Variants in CPQ observed in about 807,000 individuals in gnomAD.
CPQ encodes the protein Ser-Met dipeptidase.
In CPQ, 37 loss-of-function variants were observed where a neutral mutation model predicts 45.7. The ratio of observed to expected loss-of-function variants is 0.81; its 90% CI spans 0.62 to 1.07. The LOEUF is 1.07. Among genes scored for constraint, CPQ ranks in the 50% least tolerant of loss-of-function variants. The pLI is 0.00. For missense variants in CPQ, 537 were observed against 572.9 expected (o/e 0.94, Z 0.64); for synonymous variants, 186 against 205.8 (o/e 0.90, Z 0.82).
chr8:96,876,787 T>C (rs1223896934), intron 3 of CPQ, among the ~76,000 whole-genome samples: 4 of 152,220 alleles, frequency 2.6e-5, no homozygotes, highest in African/African-American at 9.6e-5. Context: ...CATTTGTTTG[T>C]GGTATATAAT....
chr8:96,747,808 C>A (rs990379093), intron 1 of CPQ, among the ~76,000 whole-genome samples: 1 of 152,146 alleles, frequency 6.6e-6, no homozygotes, highest in Non-Finnish European at 1.5e-5. Flanking sequence ...TCCATCTAGG[C>A]CTACTGAATT....
chr8:96,696,239 A>G (rs909827426), intron 1 of CPQ, among the ~76,000 whole-genome samples: 1 of 151,758 alleles, frequency 6.6e-6, no homozygotes, highest in African/African-American at 2.4e-5. Flanking sequence ...GGAATTGAAC[A>G]ATGAGAACAC....
At chr8:96,883,713 C>T (rs576939058) in intron 4 of CPQ, among the ~76,000 whole-genome samples, 25 of 152,246 alleles carry the variant, frequency 1.6e-4, no homozygotes, top group Non-Finnish European at 3.4e-4. Flanking sequence ...AAAGAATGGC[C>T]TTATCCCCAA....
intron 7 of CPQ, among the ~76,000 whole-genome samples, chr8:97,084,468 G>A (rs1320622231): frequency 2.6e-5 from 4 of 152,092 alleles, no homozygotes; most frequent in African/African-American, 9.7e-5. Context: ...GAACTAAACA[G>A]TTTAGCACAA....
rs142896665 is a variant in CPQ, at chr8:96,870,706, C to G, written c.642-9092C>G. On this transcript the variant is annotated intron_variant, in intron 3 of 7. Transcript: ENST00000220763. The stretch of plus-strand genomic sequence containing the variant: ...TAATGTGTGAAAAGCACACAGCACA[C>G]TGGCAGGCACAGGGCAAATGCTCAG... Among the ~76,000 whole-genome samples the G allele has an allele frequency of 3.2e-3, 484 of 152,128 alleles. 2 individuals are homozygous for G. The highest frequency in any genetic ancestry group is 0.011 in the African/African-American group (465 of 41,536).
intron 4 of CPQ, among the ~76,000 whole-genome samples, chr8:96,902,003 C>G (rs527507665): frequency 3.3e-5 from 5 of 152,198 alleles, no homozygotes; most frequent in Admixed American, 2.6e-4. Flanking sequence ...CTTAATAAGA[C>G]TACACAGACC....
At chr8:97,114,796 G>A (rs904547749) in intron 7 of CPQ, among the ~76,000 whole-genome samples, 1 of 152,110 alleles carries the variant, frequency 6.6e-6, no homozygotes, top group African/African-American at 2.4e-5. Context: ...TCCTTTCTCT[G>A]GTTAAACATT....
rs148286520 is a variant in CPQ, at chr8:96,655,439, C to G, written c.-35+10037C>G. ...TTATTGTTTCTACTTCTTCTATATT[C>G]TCATTTTGTGTATTGTTTCTCAAAT... On this transcript the variant is annotated intron_variant, in intron 1 of 7. Coordinates refer to ENST00000220763, the MANE Select transcript of CPQ (RefSeq NM_016134.4). Among the ~76,000 whole-genome samples, 4 of 152,018 alleles carry G rather than the reference C, an allele frequency of 2.6e-5. No homozygotes were observed. In the East Asian group the frequency reaches 7.7e-4, roughly 29 times the overall value.
intron 2 of CPQ, among the ~76,000 whole-genome samples, chr8:96,834,658 T>C (rs1811502854): frequency 6.6e-6 from 1 of 152,216 alleles, no homozygotes. Context: ...CTTTGAAATT[T>C]GTGACTTCTG....
chr8:96,836,696 G>A (rs1811535519), intron 3 of CPQ, among the ~76,000 whole-genome samples: 1 of 152,104 alleles, frequency 6.6e-6, no homozygotes, highest in African/African-American at 2.4e-5. Flanking sequence ...TGTGAAACTG[G>A]GTGATTGCCA....
chr8:96,976,311 T>A (rs1275695384), intron 5 of CPQ, among the ~76,000 whole-genome samples: 4 of 138,684 alleles, frequency 2.9e-5, no homozygotes, highest in Non-Finnish European at 4.6e-5. Context: ...GAAAGACCTC[T>A]ACGAGTAAAA....
At chr8:96,732,525 T>C (rs1809924791) in intron 1 of CPQ, 1 of 152,098 alleles carries the variant, frequency 6.6e-6, no homozygotes, top group South Asian at 2.1e-4. Context: ...TTTTGGTTGC[T>C]ACTGCACTTT....
At chr8:97,054,840 C>T (rs142049176) in intron 6 of CPQ, among the ~76,000 whole-genome samples, 119 of 152,080 alleles carry the variant, frequency 7.8e-4, no homozygotes, top group African/African-American at 2.7e-3. Context: ...ATTCGGGTTA[C>T]GGGTGCACTA....
chr8:96,971,377 A>AT (rs1813676522), intron 5 of CPQ, among the ~76,000 whole-genome samples: 1 of 152,180 alleles, frequency 6.6e-6, no homozygotes, highest in South Asian at 2.1e-4. Context: ...ATCTGAGTCT[A>AT]TTTTTTCAAA....
At chr8:96,867,241 C>A (rs1257074555) in intron 3 of CPQ, among the ~76,000 whole-genome samples, 1 of 151,960 alleles carries the variant, frequency 6.6e-6, no homozygotes, top group Non-Finnish European at 1.5e-5. Context: ...ATTTCTTAAA[C>A]CAGATTATTA....
intron 1 of CPQ, among the ~76,000 whole-genome samples, chr8:96,752,512 T>C (rs1810274981): frequency 6.6e-6 from 1 of 152,208 alleles, no homozygotes; most frequent in African/African-American, 2.4e-5. Context: ...TCTTATCAGC[T>C]TAAGATGCTT....
intron 1 of CPQ, among the ~76,000 whole-genome samples, chr8:96,659,628 C>G (rs1173266074): frequency 6.6e-6 from 1 of 152,154 alleles, no homozygotes; most frequent in African/African-American, 2.4e-5. Flanking sequence ...TCACTTCATT[C>G]ATTTCATTTC....
At chr8:96,689,653 T>G (rs1031239608) in intron 1 of CPQ, among the ~76,000 whole-genome samples, 6 of 152,136 alleles carry the variant, frequency 3.9e-5, no homozygotes, top group African/African-American at 1.4e-4. Flanking sequence ...TTTTCTTATT[T>G]CCTTGAGGAC....
At chr8:96,973,047 G>C (rs73279882) in intron 5 of CPQ, among the ~76,000 whole-genome samples, 4,426 of 152,092 alleles carry the variant, frequency 0.029, 212 homozygotes, top group African/African-American at 0.1. Context: ...TCTCCAAATT[G>C]CCAGAAATAG....
Sources: allele counts gnomAD v4.1 joint callset (sites outside exome capture counted in the v4.1 genomes callset), GRCh38; gene constraint gnomAD v4.1.1; transcripts MANE v1.5; gene names NCBI Gene and HGNC (gene_info 2026-07-23, HGNC 2026-07-21).